Variants in EXOC4 observed in about 807,000 individuals in gnomAD.
EXOC4 encodes the protein SEC8-like 1.
In EXOC4, 71 loss-of-function variants were observed where a neutral mutation model predicts 107.2. The ratio of observed to expected loss-of-function variants is 0.66; its 90% CI spans 0.55 to 0.81. The LOEUF (loss-of-function observed/expected upper bound fraction) is 0.81, where lower values mean the gene tolerates loss of function less well. Ranked by LOEUF, EXOC4 falls within the 30% of genes least tolerant of loss-of-function variation. The probability of loss-of-function intolerance (pLI) is 0.00; values close to 1 mark genes in which losing one functional copy is unlikely to be tolerated. For synonymous variants in EXOC4, 456 were observed against 441.2 expected, an observed-to-expected ratio of 1.03 and a Z score of -0.42; for missense variants, 1,108 against 1,189.6, an observed-to-expected ratio of 0.93 and a Z score of 1.01.
At chr7:133,334,972 C>T (rs114804017) in intron 5 of EXOC4, among the ~76,000 whole-genome samples, 1,885 of 152,162 alleles carry the variant, frequency 0.012, 29 homozygotes, top group African/African-American at 0.043. Flanking sequence ...GGTCTGTCAT[C>T]GTTGGGAATT....
At chr7:133,376,764 C>T (rs1027500611) in intron 7 of EXOC4, among the ~76,000 whole-genome samples, 1 of 152,148 alleles carries the variant, frequency 6.6e-6, no homozygotes, top group Non-Finnish European at 1.5e-5. Context: ...GTGCTTTCAG[C>T]TGTGACCTCA....
At chr7:133,546,453 A>G (rs750494225) in intron 9 of EXOC4, among the ~76,000 whole-genome samples, 1 of 151,788 alleles carries the variant, frequency 6.6e-6, no homozygotes, top group Non-Finnish European at 1.5e-5. Context: ...GATGAGGTTT[A>G]CCATGTTGGC....
chr7:133,603,354 A>G (rs980185350), intron 9 of EXOC4, among the ~76,000 whole-genome samples: 2 of 152,268 alleles, frequency 1.3e-5, no homozygotes, highest in Admixed American at 6.5e-5. Context: ...ATCTTCATGC[A>G]GATACCTAAA....
chr7:133,751,788 AT>A (rs577344164), intron 10 of EXOC4, among the ~76,000 whole-genome samples: 85 of 151,128 alleles, frequency 5.6e-4, no homozygotes, highest in Non-Finnish European at 1.0e-3. Context: ...TTTACATACT[AT>A]TTTTTTTCAC....
chr7:133,277,969 T>A (rs1324205346), intron 2 of EXOC4, among the ~76,000 whole-genome samples: 2 of 152,232 alleles, frequency 1.3e-5, no homozygotes, highest in Admixed American at 1.3e-4. Flanking sequence ...ACGATTGGGC[T>A]ACGTTATCTC....
chr7:133,736,193 G>A (rs937461806), intron 10 of EXOC4, among the ~76,000 whole-genome samples: 1 of 152,096 alleles, frequency 6.6e-6, no homozygotes, highest in Non-Finnish European at 1.5e-5. Context: ...CCCCTTACCT[G>A]AGATCCTCTC....
intron 17 of EXOC4, among the ~76,000 whole-genome samples, chr7:134,028,762 G>A (rs1424809672): frequency 6.6e-6 from 1 of 152,260 alleles, no homozygotes; most frequent in African/African-American, 2.4e-5. Context: ...TGCCCTTAAA[G>A]TGTGGAGTGA....
At chr7:133,795,140 C>A (rs965311086) in intron 10 of EXOC4, among the ~76,000 whole-genome samples, 2 of 152,072 alleles carry the variant, frequency 1.3e-5, no homozygotes, top group Non-Finnish European at 2.9e-5. Context: ...AGAACTATTA[C>A]CCTCAATAAA....
intron 1 of EXOC4, among the ~76,000 whole-genome samples, chr7:133,255,084 T>C (rs775621855): frequency 1.3e-5 from 2 of 152,092 alleles, no homozygotes; most frequent in Non-Finnish European, 2.9e-5. Flanking sequence ...TTATGCCAGT[T>C]TATTAATATA....
chr7:133,847,537 A>ATTTTTTTTTTTTTTTTTTTTTTTTT (rs34297470), intron 11 of EXOC4, among the ~76,000 whole-genome samples: 1 of 127,190 alleles, frequency 7.9e-6, no homozygotes, highest in Non-Finnish European at 1.6e-5. Context: ...TACACCAGCT[A>ATTTTTTTTTTTTTTTTTTTTTTTTT]TTTTTTTTTT....
intron 15 of EXOC4, among the ~76,000 whole-genome samples, chr7:134,002,348 G>A (rs944927222): frequency 2.6e-5 from 4 of 152,090 alleles, no homozygotes; most frequent in Admixed American, 1.3e-4. Flanking sequence ...TCAACTAAAT[G>A]TAAAATCTAA....
chr7:133,525,234 C>G (rs920403808), intron 9 of EXOC4, among the ~76,000 whole-genome samples: 2 of 152,132 alleles, frequency 1.3e-5, no homozygotes, highest in African/African-American at 2.4e-5. Flanking sequence ...ACTGAGCTGC[C>G]TTTTTCTTAG....
At chr7:133,309,820 G>GTC (rs1794831902) in intron 4 of EXOC4, among the ~76,000 whole-genome samples, 1 of 152,056 alleles carries the variant, frequency 6.6e-6, no homozygotes, top group South Asian at 2.1e-4. Context: ...CGTGCCTGTA[G>GTC]TCCCAGCTAC....
Position 133,870,036 on chromosome 7 carries a change from T to C in EXOC4, c.1735-25563T>C, listed in dbSNP as rs145813743. Among the ~76,000 whole-genome samples, 364 of 152,340 alleles carry C rather than the reference T, an allele frequency of 2.4e-3. 3 individuals are homozygous for C. Among genetic ancestry groups the C allele is most frequent in the African/African-American group, 7.9e-3 (327 of 41,588 alleles). ...TGGAGTAATGAGATGGATCTTGCGC[T>C]AATCTTTCAATTCAGCAAGTGTTTG... On this transcript the variant is annotated intron_variant, in intron 11 of 17. Coordinates refer to ENST00000253861, the MANE Select transcript of EXOC4 (RefSeq NM_021807.4).
chr7:133,909,384 G>A (rs918139142), intron 12 of EXOC4, among the ~76,000 whole-genome samples: 2 of 152,194 alleles, frequency 1.3e-5, no homozygotes, highest in Non-Finnish European at 2.9e-5. Flanking sequence ...TTCAAGTGAG[G>A]AGAGTAGGTT....
In EXOC4 at chr7:133,538,375, A is replaced by G. The variant is rs141175889; in HGVS notation, c.1417+58237A>G. Among the ~76,000 whole-genome samples, 869 of 152,230 alleles carry G rather than the reference A, an allele frequency of 5.7e-3. 2 individuals are homozygous for G. The highest frequency in any genetic ancestry group is 0.01 in the Middle Eastern group (3 of 294). ...TTTCCTTTCCATCCGTAGCTTGACA[A>G]ACATCTCCTTTCTGGTTCTTAAAAT... On this transcript the variant is annotated intron_variant, in intron 9 of 17. Coordinates refer to ENST00000253861, the MANE Select transcript of EXOC4 (RefSeq NM_021807.4).
At chr7:133,925,918 A>T (rs1800039911) in intron 13 of EXOC4, among the ~76,000 whole-genome samples, 1 of 151,976 alleles carries the variant, frequency 6.6e-6, no homozygotes, top group Admixed American at 6.5e-5. Context: ...ACGTGCCTGT[A>T]ATCCCAGCTA....
chr7:133,315,562 CAAAAG>C (rs1443160937), intron 4 of EXOC4: 1 of 151,972 alleles, frequency 6.6e-6, no homozygotes, highest in Non-Finnish European at 1.5e-5. Context: ...AATGAGAAGA[CAAAAG>C]AAGTCATAAA....
At chr7:133,817,575 A>G in intron 11 of EXOC4, 31 bp downstream of exon 11, 2 of 1,501,000 alleles carry the variant, frequency 1.3e-6, no homozygotes, top group Non-Finnish European at 1.8e-6. Context: ...TACTATTTTT[A>G]TCAGCAATTT....
Sources: allele counts gnomAD v4.1 joint callset (sites outside exome capture counted in the v4.1 genomes callset), GRCh38; gene constraint gnomAD v4.1.1; transcripts MANE v1.5; gene names NCBI Gene and HGNC (gene_info 2026-07-23, HGNC 2026-07-21).